The following TBC1D9 variants were observed in gnomAD, a reference collection of about 807,000 sequenced individuals.
TBC1D9 encodes TBC1 domain family member 9.
In TBC1D9, 63 loss-of-function variants were observed where a neutral mutation model predicts 132.0. The ratio of observed to expected loss-of-function variants is 0.48; its 90% CI spans 0.39 to 0.59. The LOEUF is 0.59. Among genes scored for constraint, TBC1D9 ranks in the 20% least tolerant of loss-of-function variants. The pLI, the probability that TBC1D9 is intolerant of heterozygous loss-of-function variation, is 0.00. For synonymous variants in TBC1D9, 610 were observed against 609.9 expected (o/e 1.00, Z 0.00); for missense variants, 1,261 against 1,592.7 (o/e 0.79, Z 3.54).
At chr4:140,713,702 C>A (rs1738284735) in intron 1 of TBC1D9, among the ~76,000 whole-genome samples, 1 of 151,000 alleles carries the variant, frequency 6.6e-6, no homozygotes. Context: ...CCACACCCTG[C>A]ACTTCAGCCT....
At chr4:140,694,693 A>T (rs1737924828) in intron 2 of TBC1D9, among the ~76,000 whole-genome samples, 1 of 149,446 alleles carries the variant, frequency 6.7e-6, no homozygotes, top group South Asian at 2.1e-4. Flanking sequence ...TCTGTTATAT[A>T]TTTATATATA....
intron 1 of TBC1D9, among the ~76,000 whole-genome samples, chr4:140,735,280 C>G (rs1453733571): frequency 6.6e-6 from 1 of 151,958 alleles, no homozygotes; most frequent in East Asian, 1.9e-4. Flanking sequence ...CTCTCTAAGA[C>G]AAAGATCTGG....
chr4:140,635,910 G>T (rs976875438), intron 15 of TBC1D9, among the ~76,000 whole-genome samples: 1 of 152,282 alleles, frequency 6.6e-6, no homozygotes, highest in Non-Finnish European at 1.5e-5. Flanking sequence ...TACTCTGAAC[G>T]AGCATGAGTG....
intron 16 of TBC1D9, 126 bp downstream of exon 16, chr4:140,633,822 A>G (rs1274972269): frequency 8.4e-7 from 1 of 1,185,398 alleles, no homozygotes; most frequent in African/African-American, 1.5e-5. Flanking sequence ...TGTTCATGAA[A>G]AACACATTTT....
At chr4:140,704,602 C>T (rs1738123374) in intron 1 of TBC1D9, among the ~76,000 whole-genome samples, 1 of 152,056 alleles carries the variant, frequency 6.6e-6, no homozygotes, top group Admixed American at 6.5e-5. Flanking sequence ...TCAATTCTGA[C>T]TCTGCCACTT....
At chr4:140,669,929 A>G in intron 7 of TBC1D9, 125 bp from the exon 8 acceptor site, 1 of 969,762 alleles carries the variant, frequency 1.0e-6, no homozygotes, top group Non-Finnish European at 1.5e-6. Context: ...TTGCTATGTG[A>G]AGAAACACGA....
intron 1 of TBC1D9, among the ~76,000 whole-genome samples, chr4:140,714,357 A>T (rs1738297909): frequency 6.6e-6 from 1 of 152,194 alleles, no homozygotes; most frequent in Non-Finnish European, 1.5e-5. Flanking sequence ...AACACATGTA[A>T]GGTGTATATC....
At chr4:140,668,408 C>T (rs1304851063) in intron 9 of TBC1D9, among the ~76,000 whole-genome samples, 1 of 152,160 alleles carries the variant, frequency 6.6e-6, no homozygotes, top group Non-Finnish European at 1.5e-5. Context: ...CCAGTGCAGA[C>T]TCTGGCCTCA....
intron 1 of TBC1D9, among the ~76,000 whole-genome samples, chr4:140,724,990 G>A (rs1448106219): frequency 2.0e-5 from 3 of 152,104 alleles, no homozygotes; most frequent in African/African-American, 7.2e-5. Context: ...CCCTAGGAAG[G>A]GGAATTTGGC....
At chr4:140,727,635 C>T (rs1182661829) in intron 1 of TBC1D9, among the ~76,000 whole-genome samples, 7 of 152,202 alleles carry the variant, frequency 4.6e-5, no homozygotes, top group Admixed American at 3.9e-4. Context: ...TGTTCTGACT[C>T]AGAATGTGCT....
chr4:140,665,542 A>G, intron 9 of TBC1D9, among the ~76,000 whole-genome samples: 1 of 152,330 alleles, frequency 6.6e-6, no homozygotes, highest in East Asian at 1.9e-4. Context: ...TTAACCTTTA[A>G]AAGGTTAAAC....
At chr4:140,700,821 G>GAA (rs368747891) in intron 2 of TBC1D9, 3 of 144,616 alleles carry the variant, frequency 2.1e-5, no homozygotes, top group Non-Finnish European at 3.0e-5. Context: ...CTCCGTCTGG[G>GAA]AAAAAAAAAA....
At chr4:140,694,510 G>A (rs1737921687) in intron 2 of TBC1D9, among the ~76,000 whole-genome samples, 1 of 150,574 alleles carries the variant, frequency 6.6e-6, no homozygotes, top group Non-Finnish European at 1.5e-5. Flanking sequence ...GTTAGAGGTT[G>A]CAGTAGGCCG....
chr4:140,658,221 T>C (rs908561613), intron 11 of TBC1D9, among the ~76,000 whole-genome samples: 8 of 152,190 alleles, frequency 5.3e-5, no homozygotes, highest in Non-Finnish European at 7.3e-5. Context: ...TGTAAATCTG[T>C]CATGTGAACA....
chr4:140,742,766 A>C (rs1738779612), intron 1 of TBC1D9, among the ~76,000 whole-genome samples: 1 of 151,758 alleles, frequency 6.6e-6, no homozygotes, highest in Admixed American at 6.6e-5. Flanking sequence ...TGTCTTTCCC[A>C]CTCCAGTCCT....
intron 13 of TBC1D9, among the ~76,000 whole-genome samples, chr4:140,649,689 T>A (rs755415591): frequency 3.9e-5 from 6 of 152,080 alleles, no homozygotes; most frequent in Non-Finnish European, 5.9e-5. Context: ...TGTGTACTTA[T>A]GTGTTAGGTG....
Position 140,724,137 on chromosome 4 carries a change from G to A in TBC1D9, c.131-22523C>T, listed in dbSNP as rs1738463528. On this transcript the variant is annotated intron_variant, in intron 1 of 20. Coordinates refer to ENST00000442267, the MANE Select transcript of TBC1D9 (RefSeq NM_015130.3). Reference sequence around the variant, plus strand: ...AAATGTCATAAAAATAACAAATGATGGCATATTTGTGAATGGGACCAAACA... The same window carrying A: ...AAATGTCATAAAAATAACAAATGATAGCATATTTGTGAATGGGACCAAACA... 3.3e-5 allele frequency among the ~76,000 whole-genome samples: 5 copies of A among 152,272 alleles called. No homozygotes were observed. In the South Asian group the frequency reaches 1.0e-3, roughly 32 times the overall value.
rs774908991 is a variant in TBC1D9, at chr4:140,669,794, C to T, written c.1277G>A (p.Arg426Gln). The change falls in exon 8 of 21, where the codon CGA (arginine) becomes CAA (glutamine). Residue 426 changes from arginine to glutamine, a missense_variant. Physicochemically the swap from Arg to Gln is conservative, Grantham distance 43 (BLOSUM62 1). Around this residue, in one of 3 missense-constraint regions of TBC1D9, gnomAD observed 550 missense variants for 699.0 expected, o/e 0.79. Coordinates refer to ENST00000442267, the MANE Select transcript of TBC1D9 (RefSeq NM_015130.3). ...GCTGGAGGAGACGAGGCTGCTGGGT[C>T]GAGAGTACACCTGTCAATACAGAGA... is the stretch of plus-strand genomic sequence containing the variant. Reference protein sequence around the residue: ...YNSSDDEVYSRPSSLVSSSPQ... With the variant: ...YNSSDDEVYSQPSSLVSSSPQ... 1.5e-5 allele frequency: 24 copies of T among 1,613,252 alleles called. No individual in the cohort carries two copies. Among genetic ancestry groups the T allele is most frequent in the African/African-American group, 9.4e-5 (7 of 74,864 alleles).
Position 140,622,706 on chromosome 4 carries a change from G to A in TBC1D9, c.3290C>T (p.Pro1097Leu). Residue 1097 changes from proline to leucine, a missense_variant, in exon 21 of 21, where the codon CCC becomes CTC. Physicochemically the swap from Pro to Leu is moderately conservative, Grantham distance 98 (BLOSUM62 -3). Around this residue, in one of 3 missense-constraint regions of TBC1D9, gnomAD observed 618 missense variants for 724.4 expected, o/e 0.85. Coordinates refer to ENST00000442267, the MANE Select transcript of TBC1D9 (RefSeq NM_015130.3). ...GTAAGGCTGGCCTGGCCCTTTCTTG[G>A]GGAAGAGCACGCCTGGGATGCCCTG... ...CHQGIPGVLF[P>L]KKGPGQPYVV... The A allele has an allele frequency of 6.2e-7, 1 of 1,611,206 alleles. No individual in the cohort carries two copies. Among genetic ancestry groups the A allele is most frequent in the Non-Finnish European group, 8.5e-7 (1 of 1,179,492 alleles).
Sources: allele counts gnomAD v4.1 joint callset (sites outside exome capture counted in the v4.1 genomes callset), GRCh38; gene constraint gnomAD v4.1.1; regional missense constraint gnomAD v4.1.1; transcripts MANE v1.5; gene names NCBI Gene and HGNC (gene_info 2026-07-23, HGNC 2026-07-21).